CNTN4: variants seen among roughly 807,000 people sequenced by gnomAD.
CNTN4 encodes the protein contactin-4.
Under a neutral mutation model 122.5 loss-of-function variants are expected in CNTN4, and 77 were observed. That is an observed-to-expected ratio of 0.63 (90% confidence interval 0.52 to 0.76). CNTN4 has a LOEUF of 0.76. Ranked by LOEUF, CNTN4 falls within the 30% of genes least tolerant of loss-of-function variation. CNTN4 has a pLI of 0.00. For missense variants in CNTN4, 1,256 were observed against 1,259.1 expected (o/e 1.00, Z 0.04); for synonymous variants, 512 against 447.0 (o/e 1.15, Z -1.83).
chr3:3,050,888 C>G (rs757628228), intron 23 of CNTN4, among the ~76,000 whole-genome samples: 2 of 151,788 alleles, frequency 1.3e-5, no homozygotes, highest in Non-Finnish European at 2.9e-5. Context: ...AAGTTCTCAT[C>G]TTTGAAATCA....
At chr3:2,218,662 C>G (rs1464613183) in intron 2 of CNTN4, among the ~76,000 whole-genome samples, 1 of 152,194 alleles carries the variant, frequency 6.6e-6, no homozygotes, top group African/African-American at 2.4e-5. Flanking sequence ...GTTATTCTTA[C>G]ACACGTATGT....
At chr3:2,945,688 AC>A (rs1196168952) in intron 13 of CNTN4, among the ~76,000 whole-genome samples, 1 of 152,076 alleles carries the variant, frequency 6.6e-6, no homozygotes, top group Non-Finnish European at 1.5e-5. Context: ...CAATAAAACC[AC>A]CTCTTCGCCT....
At chr3:2,381,694 T>A (rs1266347599) in intron 3 of CNTN4, among the ~76,000 whole-genome samples, 1 of 152,222 alleles carries the variant, frequency 6.6e-6, no homozygotes, top group Non-Finnish European at 1.5e-5. Context: ...AAATGATGTA[T>A]AAAAAGTCTC....
At chr3:2,931,837 G>A (rs908127635) in intron 13 of CNTN4, among the ~76,000 whole-genome samples, 2 of 151,884 alleles carry the variant, frequency 1.3e-5, no homozygotes, top group African/African-American at 4.8e-5. Flanking sequence ...TAGAGACAGA[G>A]GCTTGTTATA....
At chr3:2,349,242 A>AT (rs112996949) in intron 3 of CNTN4, among the ~76,000 whole-genome samples, 318 of 150,136 alleles carry the variant, frequency 2.1e-3, no homozygotes, top group African/African-American at 5.6e-3. Flanking sequence ...TTGTTGACGT[A>AT]TTTTTTTTTT....
At position 2,729,292 on chromosome 3, in the gene CNTN4, C is replaced by T. The variant is rs184738523; in HGVS notation, c.56-6923C>T. Among the ~76,000 whole-genome samples, 408 of 152,002 alleles carry T rather than the reference C, an allele frequency of 2.7e-3. 3 individuals are homozygous for T. Among genetic ancestry groups the T allele is most frequent in the South Asian group, 5.4e-3 (26 of 4,798 alleles). The stretch of plus-strand genomic sequence containing the variant: ...GTTTAGAAATGAAAGTGGCCGGGCG[C>T]GGTGGCTCACGCCTGTAATCCTAGC... On this transcript the variant is annotated intron_variant, in intron 4 of 24. Coordinates refer to ENST00000418658, the MANE Select transcript of CNTN4 (RefSeq NM_175607.3).
At chr3:2,598,225 C>G (rs757921463) in intron 4 of CNTN4, among the ~76,000 whole-genome samples, 3 of 152,108 alleles carry the variant, frequency 2.0e-5, no homozygotes, top group Non-Finnish European at 2.9e-5. Context: ...ACCGAACAAC[C>G]TCGTTAGTCC....
At chr3:2,429,595 ACT>A (rs1428381473) in intron 3 of CNTN4, among the ~76,000 whole-genome samples, 1 of 151,810 alleles carries the variant, frequency 6.6e-6, no homozygotes, top group African/African-American at 2.4e-5. Flanking sequence ...GAGAACCACT[ACT>A]CTCTTCAAAG....
chr3:2,564,460 C>G (rs1438343332), intron 3 of CNTN4, among the ~76,000 whole-genome samples: 6 of 152,030 alleles, frequency 3.9e-5, no homozygotes, highest in African/African-American at 1.4e-4. Context: ...CCTCAAATGG[C>G]TCTAGGGATG....
At chr3:2,833,927 G>A (rs988992448) in intron 7 of CNTN4, among the ~76,000 whole-genome samples, 4 of 152,094 alleles carry the variant, frequency 2.6e-5, no homozygotes, top group Admixed American at 2.0e-4. Context: ...ATCACTTGAG[G>A]TCAGGAAATC....
chr3:2,871,064 A>T (rs73112755), intron 8 of CNTN4, among the ~76,000 whole-genome samples: 1 of 152,032 alleles, frequency 6.6e-6, no homozygotes, highest in East Asian at 1.9e-4. Flanking sequence ...GATGTCTCCT[A>T]TGTGGGGCCA....
rs906670609 is a variant in CNTN4, at chr3:2,629,555, G to A, written c.55+57997G>A. ...ACAGACTGACTTCTGGTCCTTGCTGGGGGTGCTGCCAGCCTTGGAGGCTGG... is the reference window on the plus strand; with the variant it reads ...ACAGACTGACTTCTGGTCCTTGCTGAGGGTGCTGCCAGCCTTGGAGGCTGG... On this transcript the variant is annotated intron_variant, in intron 4 of 24. Coordinates refer to ENST00000418658, the MANE Select transcript of CNTN4 (RefSeq NM_175607.3). 5 of 453,026 alleles carry A rather than the reference G, an allele frequency of 1.1e-5. 1 individual carries two copies. Among genetic ancestry groups the A allele is most frequent in the Non-Finnish European group, 2.2e-5 (5 of 225,306 alleles). The allele number at this position is 453,026 out of a possible 1,614,324, so 28.1% of individuals were successfully genotyped here. A position where few individuals can be genotyped will look rare whatever the true frequency, so the allele number is the denominator to read the frequency against.
chr3:2,676,012 T>C (rs2084824155), intron 4 of CNTN4, among the ~76,000 whole-genome samples: 1 of 152,218 alleles, frequency 6.6e-6, no homozygotes, highest in Non-Finnish European at 1.5e-5. Context: ...TAAAATAATA[T>C]AATGATACTC....
At chr3:2,809,510 C>A (rs1464379742) in intron 6 of CNTN4, among the ~76,000 whole-genome samples, 1 of 152,152 alleles carries the variant, frequency 6.6e-6, no homozygotes, top group South Asian at 2.1e-4. Context: ...TTGCAGAGCA[C>A]AGTGAAGGGT....
intron 6 of CNTN4, among the ~76,000 whole-genome samples, chr3:2,755,444 T>C (rs2090290994): frequency 6.6e-6 from 1 of 152,160 alleles, no homozygotes; most frequent in Non-Finnish European, 1.5e-5. Context: ...AAAGGGTAAA[T>C]ACTTTTATTG....
intron 13 of CNTN4, chr3:2,985,384 C>G (rs1361675609): frequency 1.3e-5 from 2 of 152,266 alleles, no homozygotes; most frequent in African/African-American, 4.8e-5. Flanking sequence ...ACTTGCACCT[C>G]TGCTTCTCAT....
chr3:2,951,784 C>G (rs2094748423), intron 13 of CNTN4, among the ~76,000 whole-genome samples: 1 of 152,138 alleles, frequency 6.6e-6, no homozygotes, highest in Admixed American at 6.5e-5. Flanking sequence ...TGTCAAAAAT[C>G]ATAGTATGTG....
chr3:2,504,635 A>G (rs1354651671), intron 3 of CNTN4, among the ~76,000 whole-genome samples: 1 of 152,158 alleles, frequency 6.6e-6, no homozygotes, highest in Non-Finnish European at 1.5e-5. Context: ...ATGTAATCTC[A>G]AAGTTGCTTC....
rs186451907 is a variant in CNTN4, at chr3:2,287,065, C to A, written c.-144-52113C>A. 3.3e-5 allele frequency among the ~76,000 whole-genome samples: 5 copies of A among 152,226 alleles called. No homozygotes were observed. In the East Asian group the frequency reaches 9.7e-4, roughly 29 times the overall value. On this transcript the variant is annotated intron_variant, in intron 2 of 24. Transcript: ENST00000418658. ...CAGGGCACATTGTCTCACTGGAACT[C>A]TTTGTTCAGAAACTGAACATTTACT...
Sources: allele counts gnomAD v4.1 joint callset (sites outside exome capture counted in the v4.1 genomes callset), GRCh38; gene constraint gnomAD v4.1.1; transcripts MANE v1.5; gene names NCBI Gene and HGNC (gene_info 2026-07-23, HGNC 2026-07-21).